The following RAPGEF1 variants were observed in gnomAD, a reference collection of about 807,000 sequenced individuals.
RAPGEF1 encodes CRK SH3-binding GNRP.
In RAPGEF1, 33 loss-of-function variants were observed where a neutral mutation model predicts 143.3. The observed-to-expected ratio is 0.23, with a 90% CI of 0.17 to 0.31. The LOEUF is 0.31. Among genes scored for constraint, RAPGEF1 ranks in the 10% least tolerant of loss-of-function variants. RAPGEF1 has a pLI of 1.00. For missense variants in RAPGEF1, 1,199 were observed against 1,645.4 expected, an observed-to-expected ratio of 0.73 and a Z score of 4.69; for synonymous variants, 629 against 676.5, an observed-to-expected ratio of 0.93 and a Z score of 1.09.
At chr9:131,605,696 A>G (rs1360732213) in intron 12 of RAPGEF1, among the ~76,000 whole-genome samples, 3 of 152,112 alleles carry the variant, frequency 2.0e-5, no homozygotes, top group East Asian at 1.9e-4. Flanking sequence ...GGCAAGCTGC[A>G]CTATGGAAAT....
At chr9:131,635,573 G>T (rs1272936434) in intron 5 of RAPGEF1, among the ~76,000 whole-genome samples, 1 of 152,210 alleles carries the variant, frequency 6.6e-6, no homozygotes, top group Non-Finnish European at 1.5e-5. Flanking sequence ...CCTCCCAGCT[G>T]GGGGAGGCTC....
Position 131,584,283 on chromosome 9 carries a change from C to A in RAPGEF1, c.3414+28G>T, listed in dbSNP as rs771149365. 1.3e-6 allele frequency: 2 copies of A among 1,575,536 alleles called. No homozygotes were observed. Among genetic ancestry groups the A allele is most frequent in the Admixed American group, 1.8e-5 (1 of 55,032 alleles). ...TGGGCGGCCCCCCTTACCAGCCACC[C>A]TCCCGCCCACGCCCCAAGGCCACTC... On this transcript the variant is annotated intron_variant, in intron 24 of 26. Coordinates refer to ENST00000683357, the MANE Select transcript of RAPGEF1 (RefSeq NM_001377935.1). This position sits in a 1 kb window ranked among gnomAD's most constrained non-coding sequence, Gnocchi z 6.8.
chr9:131,604,387 T>C (rs1956768855), intron 13 of RAPGEF1, among the ~76,000 whole-genome samples: 1 of 152,214 alleles, frequency 6.6e-6, no homozygotes, highest in Non-Finnish European at 1.5e-5. Context: ...CTGCCTGCAC[T>C]TCCTCTGCCC....
At position 131,722,986 on chromosome 9, in the gene RAPGEF1, G is replaced by A. The variant is rs533344403; in HGVS notation, c.61+16784C>T. Among the ~76,000 whole-genome samples, 26 of 152,358 alleles carry A rather than the reference G, an allele frequency of 1.7e-4. 1 individual carries two copies. In the South Asian group the frequency reaches 5.0e-3, roughly 29 times the overall value. On this transcript the variant is annotated intron_variant, in intron 1 of 26. Coordinates refer to ENST00000683357, the MANE Select transcript of RAPGEF1 (RefSeq NM_001377935.1). ...AGGCTGGCAGATCACTTGACATCAGGAGTTTGAGACCAGCCTAGCCAACAT... is the reference window on the plus strand; with the variant it reads ...AGGCTGGCAGATCACTTGACATCAGAAGTTTGAGACCAGCCTAGCCAACAT...
At chr9:131,587,858 G>A in intron 21 of RAPGEF1, 28 bp from the exon 22 acceptor site, 1 of 1,607,964 alleles carries the variant, frequency 6.2e-7, no homozygotes, top group Non-Finnish European at 8.5e-7. Context: ...GCAGATGGAG[G>A]TGGAGCCCCG....
At chr9:131,627,444 C>G (rs56140739) in intron 9 of RAPGEF1, among the ~76,000 whole-genome samples, 4,464 of 152,148 alleles carry the variant, frequency 0.029, 105 homozygotes, top group Non-Finnish European at 0.042. Context: ...TCACAGGATA[C>G]GAACAGCTTC....
At chr9:131,598,129 A>G in intron 16 of RAPGEF1, 70 bp downstream of exon 16, 1 of 1,345,972 alleles carries the variant, frequency 7.4e-7, no homozygotes, top group Non-Finnish European at 1.1e-6. Context: ...ACAAGATCAC[A>G]TTCTTCTCTG....
chr9:131,599,979 G>A (rs527496238), intron 15 of RAPGEF1, among the ~76,000 whole-genome samples: 9 of 152,264 alleles, frequency 5.9e-5, no homozygotes, highest in East Asian at 1.9e-4. Context: ...CTAGCTGGGC[G>A]TGGTGGCGCT....
rs1964027190 is a variant in RAPGEF1 at position 131,628,752 on chromosome 9, G to C, written c.894-80C>G. ...AGCGTGATATTGGGGTACAGGATGT[G>C]GGGTTCTTTCATTACTAGACTCTCC... On this transcript the variant is annotated intron_variant, in intron 7 of 26. Transcript: ENST00000683357. The surrounding 1 kb of genome is among the most constrained non-coding windows in gnomAD (Gnocchi z 5.7). 3 of 1,503,212 alleles carry C rather than the reference G, an allele frequency of 2.0e-6. No individual in the cohort carries two copies. In the African/African-American group the frequency reaches 4.2e-5, roughly 21 times the overall value. The allele number at this position is 1,503,212 out of a possible 1,614,324, so 93.1% of individuals were successfully genotyped here. A position where few individuals can be genotyped will look rare whatever the true frequency, so the allele number is the denominator to read the frequency against.
At chr9:131,737,393 C>T (rs376687842) in intron 1 of RAPGEF1, 103 of 1,613,706 alleles carry the variant, frequency 6.4e-5, no homozygotes, top group Non-Finnish European at 8.4e-5. Flanking sequence ...ACTCATGACA[C>T]CCCTCTCTCA....
rs1302888729 is a variant in RAPGEF1 at position 131,650,915 on chromosome 9, C to A, written c.96G>T (p.Met32Ile). Residue 32 changes from methionine to isoleucine, a missense_variant, in exon 2 of 27, where the codon ATG becomes ATT. Met to Ile is a conservative substitution (Grantham distance 10, BLOSUM62 1). Coordinates refer to ENST00000683357, the MANE Select transcript of RAPGEF1 (RefSeq NM_001377935.1). This position sits in a 1 kb window ranked among gnomAD's most constrained non-coding sequence, Gnocchi z 4.7. ...SQRSHLSSFT[M>I]KLMDKFHSPK... ...GTGAGTGGAATTTGTCCATCAGCTT[C>A]ATGGTGAAGGAAGAGAGATGAGAAC... 6.2e-7 allele frequency: 1 copy of A among 1,613,806 alleles called. No homozygotes were observed. Among genetic ancestry groups the A allele is most frequent in the Non-Finnish European group, 8.5e-7 (1 of 1,179,766 alleles).
intron 1 of RAPGEF1, among the ~76,000 whole-genome samples, chr9:131,722,673 T>A (rs1435956914): frequency 6.6e-6 from 1 of 152,174 alleles, no homozygotes; most frequent in Non-Finnish European, 1.5e-5. Context: ...GATGACTGGG[T>A]CCCCATCCAG....
At chr9:131,698,490 C>G (rs1834358706) in intron 1 of RAPGEF1, among the ~76,000 whole-genome samples, 1 of 152,264 alleles carries the variant, frequency 6.6e-6, no homozygotes, top group African/African-American at 2.4e-5. Flanking sequence ...GCTTAGCTCA[C>G]AGACAGCTGT....
In RAPGEF1 at chr9:131,630,244, C is replaced by T; in HGVS notation, c.732G>A (p.Lys244=). Residue 244 remains lysine (K), a synonymous_variant, in exon 6 of 27, where the codon AAG becomes AAA. Coordinates refer to ENST00000683357, the MANE Select transcript of RAPGEF1 (RefSeq NM_001377935.1). ...SPVKPSSPAS[K]PDGPAELPLT... ...GGTTAGTCAGCACCTACCCATCAGGCTTGCTGGCAGGGGAACTGGGCTTCA... is the reference window on the plus strand; with the variant it reads ...GGTTAGTCAGCACCTACCCATCAGGTTTGCTGGCAGGGGAACTGGGCTTCA... 1.2e-6 allele frequency: 2 copies of T among 1,613,828 alleles called. No homozygotes were observed. Among genetic ancestry groups the T allele is most frequent in the Non-Finnish European group, 1.7e-6 (2 of 1,179,842 alleles).
At chr9:131,721,586 C>T (rs765669825) in intron 1 of RAPGEF1, among the ~76,000 whole-genome samples, 13 of 152,060 alleles carry the variant, frequency 8.5e-5, no homozygotes, top group Non-Finnish European at 2.9e-5. Flanking sequence ...GAATAGTCGC[C>T]GAAGAATTCA....
chr9:131,611,882 T>G (rs1167473510), intron 12 of RAPGEF1, among the ~76,000 whole-genome samples: 1 of 152,230 alleles, frequency 6.6e-6, no homozygotes. Flanking sequence ...AATGGGCAAT[T>G]AAGCAGTTCA....
chr9:131,735,952 G>A (rs1837386525), intron 1 of RAPGEF1, among the ~76,000 whole-genome samples: 1 of 152,082 alleles, frequency 6.6e-6, no homozygotes, highest in African/African-American at 2.4e-5. Flanking sequence ...CATATCTGTG[G>A]ACTGAATCCA....
intron 1 of RAPGEF1, among the ~76,000 whole-genome samples, chr9:131,721,765 A>AAG (rs1836284228): frequency 1.3e-5 from 2 of 152,148 alleles, no homozygotes; most frequent in Non-Finnish European, 2.9e-5. Flanking sequence ...TTTTCTTGTC[A>AAG]ATATTCCCTA....
At position 131,655,743 on chromosome 9, in the gene RAPGEF1, C is replaced by T. The variant is rs760746060; in HGVS notation, c.62-4794G>A. Among the ~76,000 whole-genome samples the T allele has an allele frequency of 8.5e-5, 13 of 152,226 alleles. No homozygotes were observed. Among genetic ancestry groups the T allele is most frequent in the South Asian group, 4.2e-4 (2 of 4,810 alleles). On this transcript the variant is annotated intron_variant, in intron 1 of 26. Coordinates refer to ENST00000683357, the MANE Select transcript of RAPGEF1 (RefSeq NM_001377935.1). This position sits in a 1 kb window ranked among gnomAD's most constrained non-coding sequence, Gnocchi z 4.1. ...ACTCCAGCCTGGGCGACTGCCACCA[C>T]GCCTGGCTAATTTTTTTGTATTTTT...
Sources: gnomAD v4.1 joint callset for allele counts (sites outside exome capture counted in the v4.1 genomes callset) on GRCh38, gnomAD v4.1.1 for gene constraint, Gnocchi (gnomAD v3.1) non-coding constraint, MANE v1.5 for transcripts, NCBI Gene and HGNC (gene_info 2026-07-23, HGNC 2026-07-21) for gene names.